Variants in ABTB1 observed in about 807,000 individuals in gnomAD.
The protein encoded by ABTB1 is ankyrin repeat and BTB/POZ domain-containing protein 1.
ABTB1 carries 45 observed loss-of-function variants against 57.1 expected under a neutral mutation model. That is an observed-to-expected ratio of 0.79 (90% confidence interval 0.62 to 1.01). ABTB1 has a LOEUF of 1.01. ABTB1 is among the 50% of genes least tolerant of loss of function. The pLI, the probability that ABTB1 is intolerant of heterozygous loss-of-function variation, is 0.00. For synonymous variants in ABTB1, 302 were observed against 275.4 expected, an observed-to-expected ratio of 1.10 and a Z score of -0.95; for missense variants, 630 against 666.3, an observed-to-expected ratio of 0.95 and a Z score of 0.60.
intron 10 of ABTB1, 119 bp downstream of exon 10, chr3:127,677,962 G>C (rs888093514): frequency 1.6e-6 from 2 of 1,285,286 alleles, no homozygotes; most frequent in Admixed American, 2.6e-5. Flanking sequence ...TTGACGTTTT[G>C]AGAAGGCTGG....
rs756189995 is a variant in ABTB1, at chr3:127,677,236, C to T, written c.712C>T (p.Arg238Trp). The change falls in exon 8 of 12, where the codon CGG becomes TGG. Residue 238 changes from arginine (R) to tryptophan (W), a missense_variant. Arg to Trp is a moderately radical substitution (Grantham distance 101, BLOSUM62 -3). Transcript: ENST00000232744. Reference protein sequence around the residue: ...IEPPPADPRLREDMALLADCA... With the variant: ...IEPPPADPRLWEDMALLADCA... Reference sequence around the variant, plus strand: ...GCCCCCACCTGCAGACCCCCGCCTCCGGGAGGACATGGCGCTGCTGGCCGA... The same window carrying T: ...GCCCCCACCTGCAGACCCCCGCCTCTGGGAGGACATGGCGCTGCTGGCCGA... The T allele has an allele frequency of 1.0e-5, 16 of 1,603,594 alleles. No individual in the cohort carries two copies. Among genetic ancestry groups the T allele is most frequent in the Admixed American group, 3.4e-5 (2 of 58,256 alleles).
chr3:127,677,621 G>C, intron 9 of ABTB1, 55 bp from the exon 10 acceptor site: 2 of 1,613,118 alleles, frequency 1.2e-6, no homozygotes, highest in South Asian at 1.1e-5. Context: ...CCCCCGTCTA[G>C]CTCCTCAGGA....
In ABTB1 at chr3:127,677,939, G is replaced by T; in HGVS notation, c.1029+96G>T. 4 of 1,459,580 alleles carry T rather than the reference G, an allele frequency of 2.7e-6. No individual in the cohort carries two copies. In the South Asian group the frequency reaches 3.8e-5, roughly 14 times the overall value. 90.4% of individuals were successfully genotyped at this position (1,459,580 alleles called of 1,614,324 possible). On this transcript the variant is annotated intron_variant, in intron 10 of 11. Transcript: ENST00000232744. ...CCCTGGGGGTCTGTGGAAGGGCCCA[G>T]CTGGCCCCATGGTTGACGTTTTGAG... is the stretch of plus-strand genomic sequence containing the variant.
At chr3:127,674,633 G>T in intron 3 of ABTB1, 33 bp downstream of exon 3, 1 of 1,613,282 alleles carries the variant, frequency 6.2e-7, no homozygotes, top group Non-Finnish European at 8.5e-7. Context: ...ACGGGTGTGC[G>T]TGGGTGCATG....
chr3:127,676,151 C>G lies in ABTB1; in HGVS notation c.320+37C>G, dbSNP rs774874907. 6.2e-7 allele frequency: 1 copy of G among 1,609,510 alleles called. No individual in the cohort carries two copies. The highest frequency in any genetic ancestry group is 1.1e-5 in the South Asian group (1 of 90,988). On this transcript the variant is annotated intron_variant, in intron 4 of 11. Coordinates refer to ENST00000232744, the MANE Select transcript of ABTB1 (RefSeq NM_172027.3). The surrounding 1 kb of genome is among the most constrained non-coding windows in gnomAD (Gnocchi z 5.4). ...CACACGAGGGGTGCAGCATGGGGTGCGGTGGCCCTGGTGGGTGTGGCGAGT... is the reference window on the plus strand; with the variant it reads ...CACACGAGGGGTGCAGCATGGGGTGGGGTGGCCCTGGTGGGTGTGGCGAGT...
At chr3:127,673,206 A>G (rs2074889470) in intron 1 of ABTB1, 125 bp downstream of exon 1, 2 of 1,093,562 alleles carry the variant, frequency 1.8e-6, no homozygotes, top group African/African-American at 1.7e-5. Context: ...CAGCCCTCGG[A>G]GCGCCCCCGC....
In ABTB1 at chr3:127,674,570, G is replaced by C. The variant is rs751267762; in HGVS notation, c.145G>C (p.Glu49Gln). Residue 49 changes from glutamate to glutamine, a missense_variant, in exon 3 of 12, where the codon GAG becomes CAG. Glu to Gln is a conservative substitution (Grantham distance 29). This residue lies in a region of ABTB1 where 579 missense variants were observed against 585.9 expected (regional missense o/e 0.99). Coordinates refer to ENST00000232744, the MANE Select transcript of ABTB1 (RefSeq NM_172027.3). Reference sequence around the variant, plus strand: ...GTACTATGCCTGCTTGTGTGGGCACGAGGAGCTGGTACTCTACCTTCTGGC... The same window carrying C: ...GTACTATGCCTGCTTGTGTGGGCACCAGGAGCTGGTACTCTACCTTCTGGC... Reference protein sequence around the residue: ...PLYYACLCGHEELVLYLLANG... With the variant: ...PLYYACLCGHQELVLYLLANG... The C allele has an allele frequency of 3.1e-6, 5 of 1,614,176 alleles. No individual in the cohort carries two copies. The highest frequency in any genetic ancestry group is 2.7e-5 in the African/African-American group (2 of 75,044).
chr3:127,673,986 C>T, intron 1 of ABTB1: 1 of 274,726 alleles, frequency 3.6e-6, no homozygotes, highest in Non-Finnish European at 7.2e-6. Flanking sequence ...TCCACACCAT[C>T]AGGAGGCCTG....
chr3:127,676,507 G>T lies in ABTB1; in HGVS notation c.481-29G>T. 1 of 1,614,150 alleles carries T rather than the reference G, an allele frequency of 6.2e-7. No individual in the cohort carries two copies. Among genetic ancestry groups the T allele is most frequent in the Non-Finnish European group, 8.5e-7 (1 of 1,180,012 alleles). Reference sequence around the variant, plus strand: ...GAGGTTGTGCTGGGTGGCTGCCTCTGACATTACTTTCTGGTTTTCTGCCCA... The same window carrying T: ...GAGGTTGTGCTGGGTGGCTGCCTCTTACATTACTTTCTGGTTTTCTGCCCA... On this transcript the variant is annotated intron_variant, in intron 5 of 11. Coordinates refer to ENST00000232744, the MANE Select transcript of ABTB1 (RefSeq NM_172027.3). This position sits in a 1 kb window ranked among gnomAD's most constrained non-coding sequence, Gnocchi z 5.4.
intron 10 of ABTB1, chr3:127,679,574 C>G: frequency 2.2e-6 from 1 of 462,878 alleles, no homozygotes; most frequent in South Asian, 1.5e-5. Flanking sequence ...TTCTGACAGC[C>G]CCCGCAGGTA....
intron 10 of ABTB1, chr3:127,679,731 C>T (rs748157383): frequency 4.1e-5 from 24 of 589,544 alleles, no homozygotes; most frequent in East Asian, 3.1e-4. Flanking sequence ...CCCTGCCTCC[C>T]GCCTGCCCTG....
intron 2 of ABTB1, 44 bp from the exon 3 acceptor site, chr3:127,674,501 T>G (rs1212038410): frequency 6.2e-7 from 1 of 1,613,934 alleles, no homozygotes; most frequent in Non-Finnish European, 8.5e-7. Flanking sequence ...GGTGCACCCC[T>G]TCAGCACTGA....
At chr3:127,678,925 C>G (rs938639008) in intron 10 of ABTB1, 3 of 152,642 alleles carry the variant, frequency 2.0e-5, no homozygotes, top group African/African-American at 7.2e-5. Flanking sequence ...AGAGGGCAGT[C>G]CCTACTGCTG....
intron 10 of ABTB1, chr3:127,678,293 T>TGAGAGA (rs112507204): frequency 5.4e-6 from 1 of 183,544 alleles, no homozygotes; most frequent in Non-Finnish European, 1.1e-5. Flanking sequence ...CCAGGGTGTG[T>TGAGAGA]GAGAGAGAGA....
chr3:127,678,295 A>T (rs796124469), intron 10 of ABTB1: 38 of 164,612 alleles, frequency 2.3e-4, no homozygotes, highest in East Asian at 3.4e-4. Flanking sequence ...AGGGTGTGTG[A>T]GAGAGAGAGA....
At position 127,676,786 on chromosome 3, in the gene ABTB1, G is replaced by A. The variant is rs942955576; in HGVS notation, c.527-181G>A. 2 of 828,550 alleles carry A rather than the reference G, an allele frequency of 2.4e-6. No homozygotes were observed. Among genetic ancestry groups the A allele is most frequent in the African/African-American group, 1.7e-5 (1 of 58,514 alleles). The allele number at this position is 828,550 out of a possible 1,614,324, so 51.3% of individuals were successfully genotyped here. The stretch of plus-strand genomic sequence containing the variant: ...GAGCTTGTCCCACCCACATGCTGAG[G>A]CCCTCCCATCTGTTCCCTGGGGCCT... On this transcript the variant is annotated intron_variant, in intron 6 of 11. Transcript: ENST00000232744. This position sits in a 1 kb window ranked among gnomAD's most constrained non-coding sequence, Gnocchi z 5.4.
Position 127,676,530 on chromosome 3 carries a change from CCA to C in ABTB1, c.481-3_481-2del. ...CTGACATTACTTTCTGGTTTTCTGC[CCA>C]CAGATCAACCCCGTGGCCTTTGGGG... On this transcript the variant is annotated splice_region_variant and splice_polypyrimidine_tract_variant and intron_variant, in intron 5 of 11. Transcript: ENST00000232744. This position sits in a 1 kb window ranked among gnomAD's most constrained non-coding sequence, Gnocchi z 5.4. 1 of 1,614,118 alleles carries C rather than the reference CCA, an allele frequency of 6.2e-7. No individual in the cohort carries two copies.
chr3:127,677,299 C>A lies in ABTB1; in HGVS notation c.762+13C>A. The A allele has an allele frequency of 6.3e-7, 1 of 1,586,376 alleles. No homozygotes were observed. Among genetic ancestry groups the A allele is most frequent in the Non-Finnish European group, 8.6e-7 (1 of 1,166,494 alleles). On this transcript the variant is annotated intron_variant, in intron 8 of 11. Coordinates refer to ENST00000232744, the MANE Select transcript of ABTB1 (RefSeq NM_172027.3). ...CCCCGAGCTCCGAGTAAGTGCGGGG[C>A]TGGTGGGCAGGAAGGGCGTTTTGGG...
chr3:127,675,983 G>A lies in ABTB1; in HGVS notation c.189G>A (p.Glu63=), dbSNP rs1463919149. 5 of 1,608,722 alleles carry A rather than the reference G, an allele frequency of 3.1e-6. No homozygotes were observed. The South Asian group carries it at 5.5e-5, about 18-fold the overall frequency. The part of the protein sequence containing the change: ...LYLLANGARC[E]ANTFDGERCL... ...TGCCTCCCCCAGGAGCCCGCTGCGA[G>A]GCCAACACCTTCGATGGTGAGCGCT... is the stretch of plus-strand genomic sequence containing the variant. The change falls in exon 4 of 12, where the codon GAG becomes GAA. Residue 63 remains glutamate, a synonymous_variant. Transcript: ENST00000232744.
Sources: allele counts gnomAD v4.1 joint callset, GRCh38; gene constraint gnomAD v4.1.1; regional missense constraint gnomAD v4.1.1; non-coding constraint Gnocchi (gnomAD v3.1); transcripts MANE v1.5; gene names NCBI Gene and HGNC (gene_info 2026-07-23, HGNC 2026-07-21).